WDFY4: variants seen among roughly 807,000 people sequenced by gnomAD.
WDFY4 encodes WD repeat- and FYVE domain-containing protein 4.
WDFY4 carries 169 observed loss-of-function variants against 351.9 expected under a neutral mutation model. That is an observed-to-expected ratio of 0.48 (90% confidence interval 0.42 to 0.55). The LOEUF is 0.55. Ranked by LOEUF, WDFY4 falls within the 20% of genes least tolerant of loss-of-function variation. WDFY4 has a pLI of 0.00. For missense variants in WDFY4, 3,803 were observed against 3,935.6 expected (o/e 0.97, Z 0.90); for synonymous variants, 1,622 against 1,574.6 (o/e 1.03, Z -0.71).
At chr10:48,952,145 G>A (rs1437272353) in intron 51 of WDFY4, among the ~76,000 whole-genome samples, 1 of 152,220 alleles carries the variant, frequency 6.6e-6, no homozygotes, top group African/African-American at 2.4e-5. Flanking sequence ...GATTCTTGGT[G>A]GAGCGTGTGC....
intron 11 of WDFY4, among the ~76,000 whole-genome samples, chr10:48,740,331 G>A (rs552325462): frequency 7.2e-5 from 11 of 152,314 alleles, no homozygotes; most frequent in Admixed American, 2.6e-4. Context: ...CCACACACAC[G>A]TCAAGGTTGG....
In WDFY4 at chr10:48,830,714, C is replaced by G. The variant is rs2068160536; in HGVS notation, c.6355C>G (p.Gln2119Glu). The G allele has an allele frequency of 1.3e-6, 2 of 1,551,306 alleles. No individual in the cohort carries two copies. Among genetic ancestry groups the G allele is most frequent in the African/African-American group, 2.7e-5 (2 of 73,042 alleles). ...CTCTCTGCTAGTCCAACACAACATC[C>G]AGAAGACAGTGCAGACTCTCTGGCA... ...PSLSDVQHNIQKTVQTLWQQL... is the reference protein window; with the variant it reads ...PSLSDVQHNIEKTVQTLWQQL... Residue 2119 changes from glutamine (Q) to glutamate (E), a missense_variant, in exon 38 of 62, where the codon CAG becomes GAG. Gln to Glu is a conservative substitution (Grantham distance 29, BLOSUM62 2). Coordinates refer to ENST00000325239, the MANE Select transcript of WDFY4 (RefSeq NM_001394531.1).
At chr10:48,810,809 C>T (rs1456754572) in intron 29 of WDFY4, 74 bp downstream of exon 29, 2 of 1,400,980 alleles carry the variant, frequency 1.4e-6, no homozygotes, top group South Asian at 1.5e-5. Flanking sequence ...AAGCCAGGCC[C>T]CTTCTTATTT....
chr10:48,892,889 G>A (rs1022478254), intron 44 of WDFY4, among the ~76,000 whole-genome samples: 1 of 152,248 alleles, frequency 6.6e-6, no homozygotes, highest in Non-Finnish European at 1.5e-5. Flanking sequence ...GAGAAGGTTA[G>A]CTTTTGCTTG....
In WDFY4 at chr10:48,873,692, C is replaced by T. The variant is rs1332257158; in HGVS notation, c.6943C>T (p.His2315Tyr). Residue 2315 changes from histidine to tyrosine, a missense_variant, in exon 41 of 62, where the codon CAC (histidine) becomes TAC (tyrosine). Coordinates refer to ENST00000325239, the MANE Select transcript of WDFY4 (RefSeq NM_001394531.1). Reference sequence around the variant, plus strand: ...TTTGGAGGCCCTGAGCTCAGGAAGGCACAAGGTAGGAGTCAGGCGCAGTGG... The same window carrying T: ...TTTGGAGGCCCTGAGCTCAGGAAGGTACAAGGTAGGAGTCAGGCGCAGTGG... ...SPLEALSSGR[H>Y]KESQDKNDHI... 3.2e-6 allele frequency: 5 copies of T among 1,551,710 alleles called. No homozygotes were observed. The African/African-American group carries it at 4.1e-5, about 13-fold the overall frequency.
intron 47 of WDFY4, among the ~76,000 whole-genome samples, chr10:48,929,025 T>G (rs368413784): frequency 6.6e-6 from 1 of 152,066 alleles, no homozygotes; most frequent in African/African-American, 2.4e-5. Flanking sequence ...AGAGTCAGGA[T>G]AGAGACATAG....
intron 19 of WDFY4, among the ~76,000 whole-genome samples, chr10:48,781,537 C>A (rs1447431738): frequency 6.6e-6 from 1 of 152,166 alleles, no homozygotes; most frequent in African/African-American, 2.4e-5. Flanking sequence ...CTCAGGCGAT[C>A]CACCTGCCTT....
At chr10:48,835,812 T>C (rs3860190) in intron 39 of WDFY4, among the ~76,000 whole-genome samples, 67,073 of 152,132 alleles carry the variant, frequency 0.44, 15,686 homozygotes, top group East Asian at 0.83. Flanking sequence ...TTAAATTATC[T>C]TGTAGATTTT....
chr10:48,971,103 G>A (rs146680986), intron 57 of WDFY4, among the ~76,000 whole-genome samples: 17 of 152,230 alleles, frequency 1.1e-4, no homozygotes, highest in South Asian at 2.1e-4. Context: ...TGCATACTCC[G>A]GAACTTGCTC....
At chr10:48,844,887 A>C (rs2068723790) in intron 39 of WDFY4, among the ~76,000 whole-genome samples, 1 of 152,208 alleles carries the variant, frequency 6.6e-6, no homozygotes, top group Admixed American at 6.5e-5. Context: ...AGATAATTCT[A>C]GGTACATAAA....
intron 2 of WDFY4, among the ~76,000 whole-genome samples, chr10:48,717,664 T>C (rs2132254977): frequency 6.6e-6 from 1 of 152,358 alleles, no homozygotes; most frequent in East Asian, 1.9e-4. Flanking sequence ...CATACTGTAA[T>C]ATACTTTTAC....
At chr10:48,787,980 T>TCTTCTTCTTCTCCTTCTCCTTCTC (rs2066540212) in intron 20 of WDFY4, among the ~76,000 whole-genome samples, 1 of 52,936 alleles carries the variant, frequency 1.9e-5, no homozygotes, top group Non-Finnish European at 3.9e-5. Context: ...TTCTTCTTCT[T>TCTTCTTCTTCTCCTTCTCCTTCTC]CTTCTCCTTC....
intron 26 of WDFY4, among the ~76,000 whole-genome samples, 198 bp downstream of exon 26, chr10:48,805,619 G>T (rs754934508): frequency 1.3e-5 from 2 of 152,200 alleles, no homozygotes; most frequent in East Asian, 3.8e-4. Flanking sequence ...CCCCAGCAGG[G>T]CTGTGTGTTT....
chr10:48,942,383 T>TGC (rs1328650436), intron 48 of WDFY4, among the ~76,000 whole-genome samples: 2 of 151,872 alleles, frequency 1.3e-5, no homozygotes, highest in African/African-American at 4.8e-5. Flanking sequence ...TGTGTGCGTG[T>TGC]GTGTGTGTGT....
chr10:48,951,073 G>A (rs1187685490), intron 51 of WDFY4, among the ~76,000 whole-genome samples: 1 of 152,200 alleles, frequency 6.6e-6, no homozygotes, highest in Non-Finnish European at 1.5e-5. Flanking sequence ...ATTGCTGTGC[G>A]GTACATTCGG....
intron 40 of WDFY4, among the ~76,000 whole-genome samples, chr10:48,867,722 T>C (rs1037906056): frequency 2.6e-4 from 39 of 152,340 alleles, no homozygotes; most frequent in African/African-American, 9.4e-4. Context: ...ACCCAGACTG[T>C]GGCTGATAGA....
chr10:48,736,171 T>C, intron 11 of WDFY4, 101 bp downstream of exon 11: 1 of 1,362,210 alleles, frequency 7.3e-7, no homozygotes, highest in Non-Finnish European at 1.0e-6. Context: ...AGTTAGCCAC[T>C]GTATGTGGCA....
chr10:48,958,597 T>C (rs1348589096), intron 52 of WDFY4, among the ~76,000 whole-genome samples: 2 of 152,174 alleles, frequency 1.3e-5, no homozygotes, highest in African/African-American at 4.8e-5. Flanking sequence ...CTACTGTATA[T>C]AGGGACCTTT....
chr10:48,757,139 C>T (rs966391446), intron 12 of WDFY4, among the ~76,000 whole-genome samples: 2 of 152,024 alleles, frequency 1.3e-5, no homozygotes, highest in African/African-American at 4.8e-5. Flanking sequence ...CAACTTATTT[C>T]TTCTTGTTGA....
Sources: gnomAD v4.1 joint callset for allele counts (sites outside exome capture counted in the v4.1 genomes callset) on GRCh38, gnomAD v4.1.1 for gene constraint, MANE v1.5 for transcripts, NCBI Gene and HGNC (gene_info 2026-07-23, HGNC 2026-07-21) for gene names.